The following PHACTR3 variants were observed in gnomAD, a reference collection of about 807,000 sequenced individuals.
PHACTR3 encodes the protein protein phosphatase 1, regulatory subunit 123.
PHACTR3 carries 16 observed loss-of-function variants against 66.8 expected under a neutral mutation model. The observed-to-expected ratio is 0.24, with a 90% CI of 0.16 to 0.36. The LOEUF is 0.36. Ranked by LOEUF, PHACTR3 falls within the 10% of genes least tolerant of loss-of-function variation. The pLI is 1.00. For synonymous variants in PHACTR3, 323 were observed against 292.1 expected (o/e 1.11, Z -1.08); for missense variants, 647 against 719.9 (o/e 0.90, Z 1.16).
chr20:59,741,976 T>C (rs1766133072), intron 1 of PHACTR3, among the ~76,000 whole-genome samples: 1 of 152,198 alleles, frequency 6.6e-6, no homozygotes, highest in South Asian at 2.1e-4. Flanking sequence ...TCGGTCAGGC[T>C]GGTCTCGAAC....
intron 8 of PHACTR3, among the ~76,000 whole-genome samples, chr20:59,835,186 G>T (rs936738571): frequency 6.6e-6 from 1 of 152,194 alleles, no homozygotes; most frequent in African/African-American, 2.4e-5. Flanking sequence ...GGCCTTTGGG[G>T]TGTTTTGACT....
chr20:59,660,766 A>G (rs2035781185), intron 1 of PHACTR3, among the ~76,000 whole-genome samples: 1 of 152,242 alleles, frequency 6.6e-6, no homozygotes, highest in Non-Finnish European at 1.5e-5. Flanking sequence ...CAAGAACATC[A>G]TTCTCTTGGA....
At chr20:59,592,750 T>C (rs2033220052) in intron 1 of PHACTR3, among the ~76,000 whole-genome samples, 1 of 152,250 alleles carries the variant, frequency 6.6e-6, no homozygotes, top group Non-Finnish European at 1.5e-5. Context: ...TCACACAGTG[T>C]GTGGCCTTTT....
At chr20:59,770,420 A>G (rs1253323774) in intron 5 of PHACTR3, among the ~76,000 whole-genome samples, 1 of 152,216 alleles carries the variant, frequency 6.6e-6, no homozygotes, top group Non-Finnish European at 1.5e-5. Context: ...AGCAAAGAAG[A>G]AAGTCTCCTT....
chr20:59,584,778 C>G (rs2032971876), intron 1 of PHACTR3, among the ~76,000 whole-genome samples: 1 of 152,168 alleles, frequency 6.6e-6, no homozygotes, highest in African/African-American at 2.4e-5. Context: ...ACCCATCTGT[C>G]AAGGCCCAGC....
intron 1 of PHACTR3, among the ~76,000 whole-genome samples, chr20:59,677,463 G>A (rs2036489087): frequency 6.6e-6 from 1 of 152,180 alleles, no homozygotes; most frequent in African/African-American, 2.4e-5. Context: ...TGGATGTCTG[G>A]AGTTGGGGCC....
intron 3 of PHACTR3, among the ~76,000 whole-genome samples, chr20:59,753,211 G>A (rs1164340981): frequency 7.9e-5 from 12 of 152,012 alleles, no homozygotes; most frequent in East Asian, 1.9e-4. Flanking sequence ...CACAGAGCCC[G>A]TCACAATGGC....
At chr20:59,781,976 C>T (rs1197111511) in intron 7 of PHACTR3, among the ~76,000 whole-genome samples, 1 of 152,146 alleles carries the variant, frequency 6.6e-6, no homozygotes. Context: ...CTTCTTAAGA[C>T]ACACCCTTGC....
intron 1 of PHACTR3, among the ~76,000 whole-genome samples, chr20:59,654,712 C>G (rs1308403837): frequency 6.6e-6 from 1 of 152,106 alleles, no homozygotes; most frequent in Non-Finnish European, 1.5e-5. Context: ...AAAGTCACAT[C>G]ACTCCAGAAA....
At chr20:59,705,328 C>A (rs1251541971) in intron 1 of PHACTR3, among the ~76,000 whole-genome samples, 1 of 152,110 alleles carries the variant, frequency 6.6e-6, no homozygotes, top group Non-Finnish European at 1.5e-5. Context: ...GGGAGCACAA[C>A]AATTTATTAC....
chr20:59,693,473 G>T lies in PHACTR3; in HGVS notation c.119-49634G>T, dbSNP rs1464862376. On this transcript the variant is annotated intron_variant, in intron 1 of 12. Transcript: ENST00000371015. ...TATTCATGTGCTCTCACTGAGCTCT[G>T]AATATGATGTTTCCATTCCCCCATC... Among the ~76,000 whole-genome samples the T allele has an allele frequency of 2.6e-5, 4 of 152,108 alleles. 1 individual carries two copies. Among genetic ancestry groups the T allele is most frequent in the Admixed American group, 2.0e-4 (3 of 15,276 alleles).
chr20:59,623,492 C>T (rs780580811), intron 1 of PHACTR3, among the ~76,000 whole-genome samples: 1 of 152,230 alleles, frequency 6.6e-6, no homozygotes, highest in Non-Finnish European at 1.5e-5. Flanking sequence ...CGTCCCACGA[C>T]AGCTGCTGAT....
chr20:59,732,130 C>A (rs936688345), intron 1 of PHACTR3, among the ~76,000 whole-genome samples: 1 of 152,158 alleles, frequency 6.6e-6, no homozygotes, highest in Admixed American at 6.5e-5. Context: ...CTGGGGCTCT[C>A]ATGAAGAGGG....
chr20:59,635,173 T>TCTTC (rs1416634645), intron 1 of PHACTR3, among the ~76,000 whole-genome samples: 1 of 50,834 alleles, frequency 2.0e-5, no homozygotes, highest in Non-Finnish European at 3.9e-5. Context: ...TTCTTTCCTT[T>TCTTC]CTTTCTTTCT....
At position 59,736,806 on chromosome 20, in the gene PHACTR3, C is replaced by T. The variant is rs1053122090; in HGVS notation, c.119-6301C>T. ...CTTGGGCGGAGAGTCATAGCTCTCACAAGCCCTCCCCTGGCACAGTCCTGG... is the reference window on the plus strand; with the variant it reads ...CTTGGGCGGAGAGTCATAGCTCTCATAAGCCCTCCCCTGGCACAGTCCTGG... On this transcript the variant is annotated intron_variant, in intron 1 of 12. Coordinates refer to ENST00000371015, the MANE Select transcript of PHACTR3 (RefSeq NM_080672.5). This position sits in a 1 kb window ranked among gnomAD's most constrained non-coding sequence, Gnocchi z 4.6. Among the ~76,000 whole-genome samples the T allele has an allele frequency of 4.6e-5, 7 of 152,150 alleles. No homozygotes were observed. Among genetic ancestry groups the T allele is most frequent in the African/African-American group, 2.4e-5 (1 of 41,462 alleles).
chr20:59,763,109 T>G (rs902393847), intron 4 of PHACTR3, among the ~76,000 whole-genome samples: 2 of 152,046 alleles, frequency 1.3e-5, no homozygotes, highest in African/African-American at 4.8e-5. Flanking sequence ...GTGGAGGCAA[T>G]TGAATCACAG....
rs532332457 is a variant in PHACTR3, at chr20:59,746,737, A to G, written c.281-1021A>G. ...TGGCAGGGCCCCCTGCACACACAGA[A>G]CACTGATGGACTCTCTGTGATCCAG... On this transcript the variant is annotated intron_variant, in intron 2 of 12. Transcript: ENST00000371015. Among the ~76,000 whole-genome samples the G allele has an allele frequency of 2.0e-5, 3 of 152,322 alleles. No homozygotes were observed. In the South Asian group the frequency reaches 6.2e-4, roughly 32 times the overall value.
intron 1 of PHACTR3, among the ~76,000 whole-genome samples, chr20:59,645,057 G>A (rs1205038799): frequency 6.6e-6 from 1 of 151,762 alleles, no homozygotes; most frequent in African/African-American, 2.4e-5. Flanking sequence ...TGTGTCTGTT[G>A]TTCTGTATGT....
At chr20:59,654,775 A>G (rs190898158) in intron 1 of PHACTR3, among the ~76,000 whole-genome samples, 2 of 152,228 alleles carry the variant, frequency 1.3e-5, no homozygotes, top group East Asian at 1.9e-4. Context: ...AGAGACAATT[A>G]CTTTCCATAG....
Sources: gnomAD v4.1 joint callset for allele counts (sites outside exome capture counted in the v4.1 genomes callset) on GRCh38, gnomAD v4.1.1 for gene constraint, Gnocchi (gnomAD v3.1) non-coding constraint, MANE v1.5 for transcripts, NCBI Gene and HGNC (gene_info 2026-07-23, HGNC 2026-07-21) for gene names.